The following TBC1D5 variants were observed in gnomAD, a reference collection of about 807,000 sequenced individuals.
The protein encoded by TBC1D5 is TBC1 domain family member 5, also known as TBC1 domain family, member 5.
In TBC1D5, 75 loss-of-function variants were observed where a neutral mutation model predicts 100.3. That is an observed-to-expected ratio of 0.75 (90% CI 0.62 to 0.91). TBC1D5 has a LOEUF of 0.91. TBC1D5 is among the 40% of genes least tolerant of loss of function. The pLI is 0.00. For synonymous variants in TBC1D5, 323 were observed against 325.6 expected (o/e 0.99, Z 0.09); for missense variants, 910 against 942.4 (o/e 0.97, Z 0.45).
At chr3:17,725,244 G>A (rs2076025991) in intron 1 of TBC1D5, among the ~76,000 whole-genome samples, 2 of 152,060 alleles carry the variant, frequency 1.3e-5, no homozygotes, top group South Asian at 4.1e-4. Context: ...ATTCTGAAAG[G>A]ATTTTCATTT....
chr3:17,443,432 A>G (rs1167161114), intron 3 of TBC1D5, among the ~76,000 whole-genome samples: 1 of 152,216 alleles, frequency 6.6e-6, no homozygotes, highest in African/African-American at 2.4e-5. Flanking sequence ...TCACTAATCA[A>G]TGTTATTTCT....
At chr3:17,722,765 G>A (rs974994050) in intron 1 of TBC1D5, among the ~76,000 whole-genome samples, 1 of 152,192 alleles carries the variant, frequency 6.6e-6, no homozygotes, top group African/African-American at 2.4e-5. Flanking sequence ...ACTAAGTGGT[G>A]GAGCCAGATT....
chr3:17,488,937 T>A (rs2095604018), intron 3 of TBC1D5, among the ~76,000 whole-genome samples: 1 of 149,744 alleles, frequency 6.7e-6, no homozygotes. Context: ...GGATCTAGGA[T>A]GCATGCTCTG....
chr3:17,494,470 C>T (rs1437412112), intron 3 of TBC1D5, among the ~76,000 whole-genome samples: 1 of 152,194 alleles, frequency 6.6e-6, no homozygotes, highest in African/African-American at 2.4e-5. Flanking sequence ...GGGGAATCCT[C>T]CTCGTCTGGA....
chr3:17,406,458 C>A, exon 5 of TBC1D5: 1 of 1,611,202 alleles, frequency 6.2e-7, no homozygotes, highest in Non-Finnish European at 8.5e-7. Flanking sequence ...TCTCAGCTGC[C>A]CATTAATCCC....
chr3:17,246,566 A>G (rs2076754175), intron 16 of TBC1D5, among the ~76,000 whole-genome samples: 3 of 152,244 alleles, frequency 2.0e-5, no homozygotes. Flanking sequence ...CAGAGAAAAA[A>G]CAGAGTGTGG....
chr3:17,186,710 CAAAAAAAAAAAAAAAAAAAAA>C (rs58438478), intron 18 of TBC1D5, among the ~76,000 whole-genome samples: 2 of 27,280 alleles, frequency 7.3e-5, no homozygotes, highest in African/African-American at 1.1e-4. Flanking sequence ...ACTCTATCTC[CAAAAAAAAAAAAAAAAAAAAA>C]AAAAAAAAAA....
At chr3:17,410,769 A>G (rs2093902389) in intron 4 of TBC1D5, among the ~76,000 whole-genome samples, 1 of 152,188 alleles carries the variant, frequency 6.6e-6, no homozygotes, top group Admixed American at 6.6e-5. Context: ...AACTGCTATA[A>G]TCTCATATAT....
At chr3:17,741,401 T>G (rs2077420323), upstream of TBC1D5, among the ~76,000 whole-genome samples, 1 of 152,242 alleles carries the variant, frequency 6.6e-6, no homozygotes, top group Admixed American at 6.5e-5. Context: ...ATGAATTTCT[T>G]TGCCACCGAT....
intron 2 of TBC1D5, among the ~76,000 whole-genome samples, chr3:17,601,442 C>T (rs1057129107): frequency 2.0e-5 from 3 of 152,156 alleles, no homozygotes; most frequent in South Asian, 2.1e-4. Context: ...ATCCGGGAGG[C>T]GGAGGTTGTG....
intron 7 of TBC1D5, 123 bp downstream of exon 7, chr3:17,404,571 G>A: frequency 1.2e-6 from 1 of 811,394 alleles, no homozygotes; most frequent in Middle Eastern, 2.4e-4. Context: ...AGGTGGTACT[G>A]TATGTGGAAT....
intron 3 of TBC1D5, among the ~76,000 whole-genome samples, chr3:17,473,609 A>G (rs914466228): frequency 9.9e-5 from 15 of 152,222 alleles, no homozygotes; most frequent in African/African-American, 3.1e-4. Flanking sequence ...CTGTGGATCA[A>G]CCTACTTAAT....
intron 3 of TBC1D5, among the ~76,000 whole-genome samples, chr3:17,451,866 G>A (rs1407387141): frequency 6.6e-6 from 1 of 152,002 alleles, no homozygotes; most frequent in Admixed American, 6.6e-5. Flanking sequence ...GTTGCAGTGA[G>A]CTCAGAGAGG....
intron 13 of TBC1D5, among the ~76,000 whole-genome samples, chr3:17,361,711 C>T (rs1196494755): frequency 6.6e-6 from 1 of 151,764 alleles, no homozygotes; most frequent in Admixed American, 6.6e-5. Flanking sequence ...AAAAATATAG[C>T]AACCCAAATT....
At chr3:17,356,073 C>G (rs375305715) in intron 13 of TBC1D5, among the ~76,000 whole-genome samples, 1 of 152,026 alleles carries the variant, frequency 6.6e-6, no homozygotes, top group African/African-American at 2.4e-5. Flanking sequence ...AAAAAGTGAT[C>G]ATTGTTGGTT....
At chr3:17,635,261 T>C (rs1445989890) in intron 1 of TBC1D5, among the ~76,000 whole-genome samples, 2 of 152,194 alleles carry the variant, frequency 1.3e-5, no homozygotes, top group African/African-American at 2.4e-5. Context: ...TAGCTAAAAG[T>C]AGGTGTCAAA....
chr3:17,523,305 T>A (rs139016766), intron 2 of TBC1D5, among the ~76,000 whole-genome samples: 407 of 152,150 alleles, frequency 2.7e-3, no homozygotes, highest in African/African-American at 9.5e-3. Context: ...GAAAGGAACA[T>A]CAGGAAATAG....
chr3:17,160,201 A>G (rs900597245), exon 22 of TBC1D5: 1 of 152,348 alleles, frequency 6.6e-6, no homozygotes, highest in South Asian at 2.1e-4. Context: ...AAGGTGAAAT[A>G]TAATTGTTTA....
chr3:17,211,579 C>A (rs779406192), intron 18 of TBC1D5, among the ~76,000 whole-genome samples: 14 of 152,216 alleles, frequency 9.2e-5, no homozygotes, highest in Non-Finnish European at 1.9e-4. Context: ...CCTTCATCTT[C>A]ACTTGCAGCT....
Sources: gnomAD v4.1 joint callset for allele counts (sites outside exome capture counted in the v4.1 genomes callset) on GRCh38, gnomAD v4.1.1 for gene constraint, MANE v1.5 for transcripts, NCBI Gene and HGNC (gene_info 2026-07-23, HGNC 2026-07-21) for gene names.